Variants in PRKG1 observed in about 807,000 individuals in gnomAD.
PRKG1 encodes protein kinase cGMP-dependent 1.
Under a neutral mutation model 88.1 loss-of-function variants are expected in PRKG1, and 35 were observed. The observed-to-expected ratio is 0.40, with a 90% CI of 0.30 to 0.53. PRKG1 has a LOEUF of 0.53. Among genes scored for constraint, PRKG1 ranks in the 20% least tolerant of loss-of-function variants. The pLI is 0.59. For synonymous variants in PRKG1, 303 were observed against 292.5 expected (o/e 1.04, Z -0.37); for missense variants, 540 against 839.8 (o/e 0.64, Z 4.41).
At chr10:51,926,197 A>C (rs12265140) in intron 5 of PRKG1, among the ~76,000 whole-genome samples, 3,374 of 152,288 alleles carry the variant, frequency 0.022, 141 homozygotes, top group African/African-American at 0.077. Context: ...TGCAATCAAA[A>C]TAATGAGATG....
intron 3 of PRKG1, among the ~76,000 whole-genome samples, chr10:51,774,765 T>C (rs531124801): frequency 1.1e-4 from 17 of 152,218 alleles, no homozygotes; most frequent in African/African-American, 4.1e-4. Context: ...TTTAAAGAAG[T>C]ACTTTCATGA....
chr10:51,315,561 A>G (rs1433061744), intron 2 of PRKG1, among the ~76,000 whole-genome samples: 1 of 152,140 alleles, frequency 6.6e-6, no homozygotes, highest in African/African-American at 2.4e-5. Context: ...TGTATTTTGA[A>G]TTTGGCCGAG....
Position 51,262,231 on chromosome 10 carries a change from T to G in PRKG1, c.478+108901T>G, listed in dbSNP as rs578111231. On this transcript the variant is annotated intron_variant, in intron 2 of 17. Coordinates refer to ENST00000373980, the MANE Select transcript of PRKG1 (RefSeq NM_006258.4). ...AAGGAAATATAAATTCCTTTATTAT[T>G]ATGATTAATGTGAAATATTCTGATT... is the stretch of plus-strand genomic sequence containing the variant. Among the ~76,000 whole-genome samples, 5 of 152,282 alleles carry G rather than the reference T, an allele frequency of 3.3e-5. No individual in the cohort carries two copies. The East Asian group carries it at 5.8e-4, about 18-fold the overall frequency.
intron 9 of PRKG1, among the ~76,000 whole-genome samples, chr10:52,220,721 ACCCATGTT>A (rs536574276): frequency 2.4e-4 from 36 of 152,014 alleles, no homozygotes; most frequent in South Asian, 1.7e-3. Flanking sequence ...CTCCACCTCC[ACCCATGTT>A]CCTGCAGAGG....
At chr10:51,450,863 AG>A (rs1322068093) in intron 2 of PRKG1, among the ~76,000 whole-genome samples, 2 of 151,548 alleles carry the variant, frequency 1.3e-5, no homozygotes, top group African/African-American at 4.8e-5. Context: ...AAAAAAAAAA[AG>A]ATGCCCCTCA....
At position 52,271,631 on chromosome 10, in the gene PRKG1, G is replaced by A. The variant is rs952687514; in HGVS notation, c.1313+142G>A. On this transcript the variant is annotated intron_variant, in intron 11 of 17. Coordinates refer to ENST00000373980, the MANE Select transcript of PRKG1 (RefSeq NM_006258.4). ...TTTAATCTAATCTTAAGAAAGTTTT[G>A]TTTGATTTCTAAAAATAAAGTTCTG... 4.4e-6 allele frequency: 4 copies of A among 911,282 alleles called. No individual in the cohort carries two copies. In the Admixed American group the frequency reaches 9.9e-5, roughly 22 times the overall value. 56.4% of individuals were successfully genotyped at this position (911,282 alleles called of 1,614,324 possible).
intron 1 of PRKG1, among the ~76,000 whole-genome samples, chr10:51,029,044 G>C (rs984687008): frequency 4.6e-5 from 7 of 152,058 alleles, no homozygotes; most frequent in Non-Finnish European, 7.4e-5. Flanking sequence ...TGTGTGAATG[G>C]AAAGGTACCA....
intron 3 of PRKG1, among the ~76,000 whole-genome samples, chr10:51,652,836 C>G (rs966430901): frequency 1.3e-5 from 2 of 152,158 alleles, no homozygotes; most frequent in Non-Finnish European, 2.9e-5. Flanking sequence ...TTCCTCCTGT[C>G]TAATTGAAAC....
intron 9 of PRKG1, among the ~76,000 whole-genome samples, chr10:52,223,640 T>C (rs780119868): frequency 3.9e-5 from 6 of 152,184 alleles, no homozygotes; most frequent in Non-Finnish European, 8.8e-5. Flanking sequence ...CAGCCTGGAT[T>C]TATCTTTTCA....
intron 3 of PRKG1, among the ~76,000 whole-genome samples, chr10:51,729,740 A>G (rs1300148004): frequency 1.1e-4 from 16 of 142,424 alleles, no homozygotes; most frequent in African/African-American, 3.8e-4. Flanking sequence ...AAAAAGGATG[A>G]GAAAAATTGA....
chr10:51,288,579 A>T (rs1194627426), intron 2 of PRKG1, among the ~76,000 whole-genome samples: 2 of 152,168 alleles, frequency 1.3e-5, no homozygotes, highest in Non-Finnish European at 2.9e-5. Context: ...GTTCAAGGAG[A>T]TTCTGAGTGA....
At chr10:52,146,611 T>G (rs537435039) in intron 8 of PRKG1, among the ~76,000 whole-genome samples, 4 of 152,334 alleles carry the variant, frequency 2.6e-5, no homozygotes, top group Non-Finnish European at 5.9e-5. Context: ...TCAAAGCCTA[T>G]TATAGCACAT....
chr10:51,597,651 G>T (rs1316771910), intron 3 of PRKG1, among the ~76,000 whole-genome samples: 1 of 152,152 alleles, frequency 6.6e-6, no homozygotes, highest in Non-Finnish European at 1.5e-5. Flanking sequence ...CTTCCATACA[G>T]ATTATTGCCA....
intron 4 of PRKG1, among the ~76,000 whole-genome samples, chr10:51,806,151 T>C (rs774935193): frequency 8.5e-5 from 13 of 152,184 alleles, no homozygotes; most frequent in South Asian, 6.2e-4. Context: ...TGATTTCTTC[T>C]AGTGCAGCTC....
intron 2 of PRKG1, among the ~76,000 whole-genome samples, chr10:51,234,051 G>A (rs1838916427): frequency 6.6e-6 from 1 of 152,076 alleles, no homozygotes; most frequent in Admixed American, 6.6e-5. Flanking sequence ...CAAGTTGGGA[G>A]CCTGTTTAGT....
Position 50,991,181 on chromosome 10 carries a change from G to A in PRKG1, c.-198G>A. On this transcript the variant is annotated 5_prime_UTR_variant, in exon 1 of 18. Transcript: ENST00000401604. The surrounding 1 kb of genome is among the most constrained non-coding windows in gnomAD (Gnocchi z 4.5). The stretch of plus-strand genomic sequence containing the variant: ...TCTCATCCTCCCCTCGGTGCTTTTA[G>A]TCCATTCAGCAGAAGCGGATCGAAG... The A allele has an allele frequency of 2.9e-6, 2 of 696,516 alleles. No homozygotes were observed. The highest frequency in any genetic ancestry group is 4.5e-6 in the Non-Finnish European group (2 of 447,528). The allele number at this position is 696,516 out of a possible 1,614,324, so 43.1% of individuals were successfully genotyped here. A position where few individuals can be genotyped will look rare whatever the true frequency, so the allele number is the denominator to read the frequency against.
At chr10:52,116,680 A>G (rs868599901) in intron 7 of PRKG1, among the ~76,000 whole-genome samples, 2 of 152,166 alleles carry the variant, frequency 1.3e-5, no homozygotes, top group African/African-American at 2.4e-5. Flanking sequence ...ACAAGAATCT[A>G]TTGGGATTAG....
intron 1 of PRKG1, among the ~76,000 whole-genome samples, chr10:51,094,034 T>C (rs1463470057): frequency 6.6e-6 from 1 of 151,910 alleles, no homozygotes; most frequent in Non-Finnish European, 1.5e-5. Context: ...GACCCCAGAA[T>C]GGTGCTTGGC....
At chr10:51,872,140 T>G (rs1484948048) in intron 4 of PRKG1, among the ~76,000 whole-genome samples, 1 of 152,218 alleles carries the variant, frequency 6.6e-6, no homozygotes, top group Non-Finnish European at 1.5e-5. Context: ...TAGATTCATT[T>G]CACAAATGCA....
Sources: allele counts gnomAD v4.1 joint callset (sites outside exome capture counted in the v4.1 genomes callset), GRCh38; gene constraint gnomAD v4.1.1; non-coding constraint Gnocchi (gnomAD v3.1); transcripts MANE v1.5; gene names NCBI Gene and HGNC (gene_info 2026-07-23, HGNC 2026-07-21).